The following PSMB2 variants were observed in gnomAD, a reference collection of about 807,000 sequenced individuals.
PSMB2 encodes the protein proteasome 20S subunit beta 2.
In PSMB2, 13 loss-of-function variants were observed where a neutral mutation model predicts 25.7. The observed-to-expected ratio is 0.51, with a 90% CI of 0.33 to 0.80. The LOEUF is 0.80. Among genes scored for constraint, PSMB2 ranks in the 30% least tolerant of loss-of-function variants. The probability of loss-of-function intolerance (pLI) is 0.02; values close to 1 mark genes in which losing one functional copy is unlikely to be tolerated. For synonymous variants in PSMB2, 87 were observed against 96.2 expected, an observed-to-expected ratio of 0.90 and a Z score of 0.56; for missense variants, 202 against 259.0, an observed-to-expected ratio of 0.78 and a Z score of 1.51.
In PSMB2 at chr1:35,628,602, T is replaced by A. The variant is rs1256607693; in HGVS notation, c.285+2672A>T. Among the ~76,000 whole-genome samples the A allele has an allele frequency of 8.6e-3, 216 of 25,062 alleles. 4 individuals carry two copies. The East Asian group carries it at 0.17, about 20-fold the overall frequency. 16.4% of individuals were successfully genotyped at this position (25,062 alleles called of 152,430 possible). A position where few individuals can be genotyped will look rare whatever the true frequency, so the allele number is the denominator to read the frequency against. On this transcript the variant is annotated intron_variant, in intron 3 of 5. Coordinates refer to ENST00000373237, the MANE Select transcript of PSMB2 (RefSeq NM_002794.5). ...AGAAAAAAAAAAAAAAAAAAATATA[T>A]ATATATATATATATATATATATATA... is the stretch of plus-strand genomic sequence containing the variant.
Position 35,601,336 on chromosome 1 carries a change from A to T in PSMB2, c.*1931T>A, listed in dbSNP as rs1394105788. 1 of 978,436 alleles carries T rather than the reference A, an allele frequency of 1.0e-6. No homozygotes were observed. Among genetic ancestry groups the T allele is most frequent in the Non-Finnish European group, 1.2e-6 (1 of 823,872 alleles). The allele number at this position is 978,436 out of a possible 1,614,324, so 60.6% of individuals were successfully genotyped here. Reference sequence around the variant, plus strand: ...TCCGCCCGCCTCGGCGGGCGGCCAAAGTGCTGGGATTACAGGCATGAGCCA... The same window carrying T: ...TCCGCCCGCCTCGGCGGGCGGCCAATGTGCTGGGATTACAGGCATGAGCCA... On this transcript the variant is annotated 3_prime_UTR_variant, in exon 6 of 6. Coordinates refer to ENST00000373237, the MANE Select transcript of PSMB2 (RefSeq NM_002794.5).
rs904367498 is a variant in PSMB2, at chr1:35,602,960, A to T, written c.*307T>A. On this transcript the variant is annotated 3_prime_UTR_variant, in exon 6 of 6. Transcript: ENST00000373237. The stretch of plus-strand genomic sequence containing the variant: ...TACTAGCAAGTAAAATATATGAAAG[A>T]GCTAGTTGGAAAGGAAGCCAAGCAT... 3.1e-5 allele frequency: 33 copies of T among 1,068,584 alleles called. 1 individual carries two copies. Among genetic ancestry groups the T allele is most frequent in the Non-Finnish European group, 3.7e-5 (33 of 881,928 alleles). The allele number at this position is 1,068,584 out of a possible 1,614,324, so 66.2% of individuals were successfully genotyped here. A position where few individuals can be genotyped will look rare whatever the true frequency, so the allele number is the denominator to read the frequency against.
At chr1:35,625,761 C>CA (rs113858421) in intron 3 of PSMB2, among the ~76,000 whole-genome samples, 174 of 125,098 alleles carry the variant, frequency 1.4e-3, no homozygotes, top group Middle Eastern at 4.2e-3. Context: ...GACTCCGTCT[C>CA]AAAAAAAAAA....
At chr1:35,617,753 CA>C (rs1650539832) in intron 3 of PSMB2, among the ~76,000 whole-genome samples, 3 of 152,310 alleles carry the variant, frequency 2.0e-5, no homozygotes, top group African/African-American at 7.2e-5. Flanking sequence ...GGGACACATA[CA>C]CCTGGAGAAT....
chr1:35,629,351 T>A (rs1373716971), intron 3 of PSMB2, among the ~76,000 whole-genome samples: 1 of 152,238 alleles, frequency 6.6e-6, no homozygotes, highest in East Asian at 1.9e-4. Flanking sequence ...TGAACTTTCC[T>A]AGCACATCCT....
intron 3 of PSMB2, among the ~76,000 whole-genome samples, chr1:35,625,398 C>G (rs573366884): frequency 8.5e-5 from 13 of 152,274 alleles, no homozygotes; most frequent in African/African-American, 3.1e-4. Context: ...ACCTGTCTCT[C>G]TATCTGTTAA....
At chr1:35,631,909 C>T (rs995102712) in intron 2 of PSMB2, among the ~76,000 whole-genome samples, 5 of 151,918 alleles carry the variant, frequency 3.3e-5, no homozygotes, top group African/African-American at 1.2e-4. Flanking sequence ...CCTGTAATCC[C>T]AGCTACTTAG....
Position 35,602,346 on chromosome 1 carries a change from T to A in PSMB2, c.*921A>T, listed in dbSNP as rs188749759. 6.6e-6 allele frequency: 1 copy of A among 152,024 alleles called. No homozygotes were observed. The highest frequency in any genetic ancestry group is 1.9e-4 in the East Asian group (1 of 5,162). 9.4% of individuals were successfully genotyped at this position (152,024 alleles called of 1,614,324 possible). On this transcript the variant is annotated 3_prime_UTR_variant, in exon 6 of 6. Coordinates refer to ENST00000373237, the MANE Select transcript of PSMB2 (RefSeq NM_002794.5). ...CCCTGTCTCTAAATAAATAAATAAA[T>A]CTAAAAAATTTAAAGGGGGCATGTG...
At chr1:35,615,563 A>T (rs1474207286) in intron 3 of PSMB2, among the ~76,000 whole-genome samples, 1 of 152,262 alleles carries the variant, frequency 6.6e-6, no homozygotes, top group Non-Finnish European at 1.5e-5. Context: ...GAAACAACAA[A>T]ATCAGCGACA....
intron 3 of PSMB2, among the ~76,000 whole-genome samples, chr1:35,627,655 A>C (rs1446898064): frequency 2.0e-5 from 3 of 152,222 alleles, no homozygotes; most frequent in Admixed American, 2.0e-4. Flanking sequence ...TCTCAAAAAA[A>C]AAGTAAGAGC....
intron 5 of PSMB2, among the ~76,000 whole-genome samples, chr1:35,603,734 T>A (rs1202515402): frequency 6.6e-6 from 1 of 152,108 alleles, no homozygotes; most frequent in African/African-American, 2.4e-5. Context: ...GATAATAAGC[T>A]AACAAAGAGT....
intron 3 of PSMB2, among the ~76,000 whole-genome samples, chr1:35,626,592 T>A (rs1650868343): frequency 1.3e-5 from 2 of 152,208 alleles, no homozygotes; most frequent in Admixed American, 6.5e-5. Flanking sequence ...AGTCCACTAA[T>A]TAATAAAGAA....
In PSMB2 at chr1:35,600,914, T is replaced by TATTA; in HGVS notation, c.*2349_*2352dup. The TATTA allele has an allele frequency of 1.0e-6, 1 of 984,402 alleles. No homozygotes were observed. Among genetic ancestry groups the TATTA allele is most frequent in the Non-Finnish European group, 1.2e-6 (1 of 829,030 alleles). 61.0% of individuals were successfully genotyped at this position (984,402 alleles called of 1,614,324 possible). On this transcript the variant is annotated 3_prime_UTR_variant, in exon 6 of 6. Coordinates refer to ENST00000373237, the MANE Select transcript of PSMB2 (RefSeq NM_002794.5). ...AAGCCCTGAACTAAATGTTTACCTA[T>TATTA]ATTACTTCATGGAATTCTCATATCT...
intron 1 of PSMB2, among the ~76,000 whole-genome samples, chr1:35,640,103 T>TACTATA (rs11269632): frequency 3.6e-4 from 37 of 102,482 alleles, no homozygotes; most frequent in Non-Finnish European, 6.1e-4. Context: ...TACTATACTA[T>TACTATA]CTATACTAAA....
At chr1:35,625,016 A>T (rs1266531882) in intron 3 of PSMB2, among the ~76,000 whole-genome samples, 1 of 151,608 alleles carries the variant, frequency 6.6e-6, no homozygotes, top group Non-Finnish European at 1.5e-5. Flanking sequence ...TGCTGAGATC[A>T]TGCCACTGCA....
chr1:35,609,227 C>A lies in PSMB2; in HGVS notation c.448+19G>T, dbSNP rs762669956. On this transcript the variant is annotated intron_variant, in intron 4 of 5. Transcript: ENST00000373237. ...GCAGGGCTCTGCCACTGCTCCCTCCCTAGAGTATTAATACTTACTCGGTGT... is the reference window on the plus strand; with the variant it reads ...GCAGGGCTCTGCCACTGCTCCCTCCATAGAGTATTAATACTTACTCGGTGT... 6 of 1,544,144 alleles carry A rather than the reference C, an allele frequency of 3.9e-6. No homozygotes were observed. The highest frequency in any genetic ancestry group is 4.4e-6 in the Non-Finnish European group (5 of 1,141,516).
Position 35,600,063 on chromosome 1 carries a change from G to T in PSMB2, c.*3204C>A. 2 of 705,022 alleles carry T rather than the reference G, an allele frequency of 2.8e-6. No individual in the cohort carries two copies. The highest frequency in any genetic ancestry group is 3.5e-6 in the Non-Finnish European group (2 of 574,392). 43.7% of individuals were successfully genotyped at this position (705,022 alleles called of 1,614,324 possible). A position where few individuals can be genotyped will look rare whatever the true frequency, so the allele number is the denominator to read the frequency against. ...GGGTAAGAGGTTCACTTGAGCCCAG[G>T]AGTTCAAGTGAACTTACTGCAGTAA... is the stretch of plus-strand genomic sequence containing the variant. On this transcript the variant is annotated 3_prime_UTR_variant, in exon 6 of 6. Coordinates refer to ENST00000373237, the MANE Select transcript of PSMB2 (RefSeq NM_002794.5).
At chr1:35,618,326 T>C (rs1650567870) in intron 3 of PSMB2, among the ~76,000 whole-genome samples, 1 of 152,174 alleles carries the variant, frequency 6.6e-6, no homozygotes, top group Non-Finnish European at 1.5e-5. Context: ...TTAAGCACAG[T>C]TGTCCAAAGA....
chr1:35,640,060 A>ATACTATAC (rs371010677), intron 1 of PSMB2, among the ~76,000 whole-genome samples: 43,842 of 147,096 alleles, frequency 0.3, 7,067 homozygotes, highest in South Asian at 0.35. Flanking sequence ...AAGTACTATA[A>ATACTATAC]TATACTATAC....
Sources: allele counts gnomAD v4.1 joint callset (sites outside exome capture counted in the v4.1 genomes callset), GRCh38; gene constraint gnomAD v4.1.1; transcripts MANE v1.5; gene names NCBI Gene and HGNC (gene_info 2026-07-23, HGNC 2026-07-21).